The following ANO3 variants were observed in gnomAD, a reference collection of about 807,000 sequenced individuals.
ANO3 encodes anoctamin 3, also known as anoctamin-3.
ANO3 carries 99 observed loss-of-function variants against 144.8 expected under a neutral mutation model. That is an observed-to-expected ratio of 0.68 (90% CI 0.58 to 0.81). ANO3 has a LOEUF of 0.81. ANO3 is among the 30% of genes least tolerant of loss of function. The pLI is 0.00. For missense variants in ANO3, 905 were observed against 1,202.2 expected, an observed-to-expected ratio of 0.75 and a Z score of 3.66; for synonymous variants, 414 against 392.6, an observed-to-expected ratio of 1.05 and a Z score of -0.64.
chr11:26,352,654 T>C (rs1467129708), intron 1 of ANO3, among the ~76,000 whole-genome samples: 1 of 152,230 alleles, frequency 6.6e-6, no homozygotes, highest in African/African-American at 2.4e-5. Context: ...CCTTCTTTCA[T>C]TTTGTTTTTA....
At chr11:26,251,048 A>T (rs531585560) in intron 1 of ANO3, among the ~76,000 whole-genome samples, 1 of 152,320 alleles carries the variant, frequency 6.6e-6, no homozygotes, top group African/African-American at 2.4e-5. Context: ...ATCATCAAAG[A>T]GTATTGCTAC....
intron 17 of ANO3, among the ~76,000 whole-genome samples, chr11:26,606,447 A>G (rs975563191): frequency 2.6e-5 from 4 of 152,116 alleles, no homozygotes; most frequent in Non-Finnish European, 5.9e-5. Flanking sequence ...TTAGATCTGC[A>G]TGGTCCAGAG....
intron 17 of ANO3, among the ~76,000 whole-genome samples, chr11:26,614,760 G>A (rs1852201489): frequency 6.6e-6 from 1 of 152,082 alleles, no homozygotes; most frequent in African/African-American, 2.4e-5. Flanking sequence ...AGCTAATTCT[G>A]GTAAGGAAGA....
At chr11:26,290,332 T>C (rs941623085) in intron 1 of ANO3, among the ~76,000 whole-genome samples, 2 of 152,164 alleles carry the variant, frequency 1.3e-5, no homozygotes, top group African/African-American at 4.8e-5. Context: ...TAGTGGTCTA[T>C]CAATTTTGTT....
intron 1 of ANO3, among the ~76,000 whole-genome samples, chr11:26,216,823 T>A (rs1373350985): frequency 6.6e-6 from 1 of 152,042 alleles, no homozygotes; most frequent in Non-Finnish European, 1.5e-5. Context: ...AACAACAAGA[T>A]GTTGGAAATA....
chr11:26,640,370 A>G (rs1853109396), intron 21 of ANO3, among the ~76,000 whole-genome samples: 1 of 152,234 alleles, frequency 6.6e-6, no homozygotes, highest in Non-Finnish European at 1.5e-5. Flanking sequence ...AACAAATTTA[A>G]GCAAATCTCT....
At chr11:26,513,865 C>T (rs969516255) in intron 5 of ANO3, among the ~76,000 whole-genome samples, 1 of 152,066 alleles carries the variant, frequency 6.6e-6, no homozygotes, top group Non-Finnish European at 1.5e-5. Flanking sequence ...TAGACTCATT[C>T]ATCTTCATGA....
At chr11:26,503,812 A>G (rs1861296061) in intron 4 of ANO3, among the ~76,000 whole-genome samples, 1 of 152,160 alleles carries the variant, frequency 6.6e-6, no homozygotes, top group Non-Finnish European at 1.5e-5. Context: ...AGAGTAATGG[A>G]TAATAATTGT....
intron 1 of ANO3, among the ~76,000 whole-genome samples, chr11:26,302,232 C>A (rs531964667): frequency 6.6e-6 from 1 of 152,134 alleles, no homozygotes; most frequent in African/African-American, 2.4e-5. Context: ...TGCGGTGGCT[C>A]ACGACTGTAA....
intron 8 of ANO3, among the ~76,000 whole-genome samples, chr11:26,532,064 T>C (rs890002321): frequency 1.3e-5 from 2 of 152,224 alleles, no homozygotes; most frequent in African/African-American, 4.8e-5. Flanking sequence ...AGGGCCTACG[T>C]TGCTATAGGC....
chr11:26,591,245 G>A (rs1380969024), intron 14 of ANO3, among the ~76,000 whole-genome samples: 2 of 152,122 alleles, frequency 1.3e-5, no homozygotes, highest in Non-Finnish European at 2.9e-5. Flanking sequence ...TGATGTTGGG[G>A]AGGTTGGCCA....
Position 26,442,071 on chromosome 11 carries a change from C to G in ANO3, c.200C>G (p.Pro67Arg). The change falls in exon 2 of 27, where the codon CCC becomes CGC. Residue 67 changes from proline (P) to arginine (R), a missense_variant. Pro to Arg is a moderately radical substitution (Grantham distance 103). This residue lies in a region of ANO3 where 174 missense variants were observed against 171.9 expected (regional missense o/e 1.01). Coordinates refer to ENST00000256737, the MANE Select transcript of ANO3 (RefSeq NM_031418.4). ...TCAACCGAGAGTGAATCTCAGGCTC[C>G]CACATCTATAACCTTAATCTCCACT... Reference protein sequence around the residue: ...FQSTESESQAPTSITLISTDK... With the variant: ...FQSTESESQARTSITLISTDK... The G allele has an allele frequency of 6.2e-7, 1 of 1,614,082 alleles. No individual in the cohort carries two copies. Among genetic ancestry groups the G allele is most frequent in the Non-Finnish European group, 8.5e-7 (1 of 1,180,020 alleles).
chr11:26,236,760 G>A (rs2133807362), intron 1 of ANO3, among the ~76,000 whole-genome samples: 1 of 148,114 alleles, frequency 6.8e-6, no homozygotes, highest in East Asian at 2.0e-4. Context: ...AGAGCTTGCA[G>A]TGAGCCCAGA....
chr11:26,455,775 A>G, intron 3 of ANO3, among the ~76,000 whole-genome samples: 1 of 150,724 alleles, frequency 6.6e-6, no homozygotes. Context: ...AGTCAATCCT[A>G]AGCCAAAAGA....
intron 1 of ANO3, among the ~76,000 whole-genome samples, chr11:26,351,823 A>G (rs991982358): frequency 6.6e-6 from 1 of 152,194 alleles, no homozygotes; most frequent in African/African-American, 2.4e-5. Context: ...CTTACAAGGA[A>G]ACAGTGTTAG....
chr11:26,587,070 G>A (rs1486089527), intron 14 of ANO3, among the ~76,000 whole-genome samples: 5 of 152,096 alleles, frequency 3.3e-5, no homozygotes, highest in African/African-American at 9.7e-5. Flanking sequence ...TCAAGGATGA[G>A]ATTAAATTCA....
intron 6 of ANO3, among the ~76,000 whole-genome samples, chr11:26,524,768 G>A (rs956331904): frequency 6.6e-6 from 1 of 152,032 alleles, no homozygotes; most frequent in Admixed American, 6.6e-5. Flanking sequence ...AGCTGTTAAG[G>A]CCCGTTATCA....
intron 14 of ANO3, among the ~76,000 whole-genome samples, chr11:26,592,637 G>A (rs1196235973): frequency 6.7e-6 from 1 of 149,448 alleles, no homozygotes; most frequent in Non-Finnish European, 1.5e-5. Flanking sequence ...TTCTCCTGAA[G>A]GAGCTTGGTG....
intron 1 of ANO3, among the ~76,000 whole-genome samples, chr11:26,332,911 T>C (rs1855093390): frequency 6.6e-6 from 1 of 152,176 alleles, no homozygotes; most frequent in Non-Finnish European, 1.5e-5. Context: ...CTTCGTATTA[T>C]GTCTTTTAGT....
Sources: gnomAD v4.1 joint callset for allele counts (sites outside exome capture counted in the v4.1 genomes callset) on GRCh38, gnomAD v4.1.1 for gene constraint, gnomAD v4.1.1 regional missense constraint, MANE v1.5 for transcripts, NCBI Gene and HGNC (gene_info 2026-07-23, HGNC 2026-07-21) for gene names.